ABCA4: variants seen among roughly 807,000 people sequenced by gnomAD.
The protein encoded by ABCA4 is retinal-specific phospholipid-transporting ATPase ABCA4.
Under a neutral mutation model 263.7 loss-of-function variants are expected in ABCA4, and 196 were observed. The ratio of observed to expected loss-of-function variants is 0.74; its 90% CI spans 0.66 to 0.84. The LOEUF (loss-of-function observed/expected upper bound fraction) is 0.84, where lower values mean the gene tolerates loss of function less well. ABCA4 is among the 40% of genes least tolerant of loss of function. The probability of loss-of-function intolerance (pLI) is 0.00; values close to 1 mark genes in which losing one functional copy is unlikely to be tolerated. For synonymous variants in ABCA4, 1,133 were observed against 1,094.2 expected (o/e 1.04, Z -0.70); for missense variants, 2,792 against 2,855.1 (o/e 0.98, Z 0.50).
At chr1:94,026,403 T>G (rs932761749) in intron 30 of ABCA4, among the ~76,000 whole-genome samples, 2 of 152,212 alleles carry the variant, frequency 1.3e-5, no homozygotes, top group Non-Finnish European at 2.9e-5. Flanking sequence ...ATTTTTAGCT[T>G]AATTTACAGA....
chr1:94,004,698 G>T (rs1166220794), intron 44 of ABCA4, among the ~76,000 whole-genome samples: 2 of 151,940 alleles, frequency 1.3e-5, no homozygotes, highest in Non-Finnish European at 2.9e-5. Flanking sequence ...TGAATATGTG[G>T]AACATTAACA....
rs888304473 is a variant in ABCA4, at chr1:93,999,057, AT to A, written c.6480-948del. ...TGAGCCACCACGCCCAGCCTATTTT[AT>A]TTTTTGAGACAGAGTCTTGCTGTTT... is the stretch of plus-strand genomic sequence containing the variant. On this transcript the variant is annotated intron_variant, in intron 47 of 49. Coordinates refer to ENST00000370225, the MANE Select transcript of ABCA4 (RefSeq NM_000350.3). Among the ~76,000 whole-genome samples, 13 of 147,384 alleles carry A rather than the reference AT, an allele frequency of 8.8e-5. 1 individual carries two copies. Among genetic ancestry groups the A allele is most frequent in the Non-Finnish European group, 1.8e-4 (12 of 67,142 alleles).
chr1:94,044,165 A>T (rs1360067419), intron 20 of ABCA4, among the ~76,000 whole-genome samples: 1 of 147,438 alleles, frequency 6.8e-6, no homozygotes, highest in African/African-American at 2.5e-5. Context: ...CACAATGACT[A>T]TGCGTAGCTT....
chr1:93,996,799 G>T (rs531304667), intron 48 of ABCA4, among the ~76,000 whole-genome samples: 1 of 152,220 alleles, frequency 6.6e-6, no homozygotes, highest in East Asian at 1.9e-4. Flanking sequence ...AATATTATTC[G>T]GCCTGAAAAA....
chr1:94,046,871 G>T, intron 19 of ABCA4, 48 bp downstream of exon 19: 1 of 1,601,976 alleles, frequency 6.2e-7, no homozygotes, highest in Admixed American at 1.7e-5. Context: ...ACTAAGCCAG[G>T]AAATGACAGG....
chr1:94,117,966 T>A (rs555336196), intron 1 of ABCA4, among the ~76,000 whole-genome samples: 7 of 152,326 alleles, frequency 4.6e-5, no homozygotes, highest in African/African-American at 1.7e-4. Context: ...ACTGCCCTGA[T>A]TGGATGATAA....
intron 32 of ABCA4, among the ~76,000 whole-genome samples, chr1:94,022,457 C>A (rs1044602771): frequency 6.6e-6 from 1 of 152,214 alleles, no homozygotes; most frequent in Admixed American, 6.5e-5. Flanking sequence ...GCACAGGACC[C>A]ATCTTCATCC....
intron 6 of ABCA4, among the ~76,000 whole-genome samples, chr1:94,090,446 G>A (rs913365308): frequency 6.6e-6 from 1 of 151,240 alleles, no homozygotes; most frequent in African/African-American, 2.4e-5. Flanking sequence ...TCACTTTGAG[G>A]ACTAATGGAT....
chr1:94,020,439 T>C (rs1337075733), intron 35 of ABCA4, among the ~76,000 whole-genome samples: 1 of 152,248 alleles, frequency 6.6e-6, no homozygotes, highest in Non-Finnish European at 1.5e-5. Context: ...TATGTGGTAG[T>C]CACTACCTTG....
chr1:94,056,746 A>T lies in ABCA4; in HGVS notation c.2237T>A (p.Met746Lys), dbSNP rs1660994402. 2 of 1,613,932 alleles carry T rather than the reference A, an allele frequency of 1.2e-6. No individual in the cohort carries two copies. Among genetic ancestry groups the T allele is most frequent in the Non-Finnish European group, 1.7e-6 (2 of 1,179,896 alleles). Residue 746 changes from methionine to lysine, a missense_variant, in exon 15 of 50, where the codon ATG becomes AAG. Met to Lys is a moderately conservative substitution (Grantham distance 95). Transcript: ENST00000370225. ...GAAGGTGCTGAGCAGAAAGCACAGC[A>T]TGATGGTGGCAGTGGAGAAAGCCAA... Reference protein sequence around the residue: ...FLLAFSTATIMLCFLLSTFFS... With the variant: ...FLLAFSTATIKLCFLLSTFFS...
At chr1:94,107,993 C>T (rs1427504652) in intron 4 of ABCA4, among the ~76,000 whole-genome samples, 1 of 152,174 alleles carries the variant, frequency 6.6e-6, no homozygotes, top group African/African-American at 2.4e-5. Context: ...CCAGTCCCTG[C>T]CTTCAGCCCG....
At chr1:94,108,793 T>A (rs1466097139) in intron 3 of ABCA4, 77 bp from the exon 4 acceptor site, 11 of 1,560,518 alleles carry the variant, frequency 7.0e-6, no homozygotes, top group Non-Finnish European at 7.0e-6. Flanking sequence ...GCTATTTTTT[T>A]TTTTTATCTC....
chr1:94,012,249 A>G (rs1040388933), intron 38 of ABCA4, among the ~76,000 whole-genome samples: 1 of 152,020 alleles, frequency 6.6e-6, no homozygotes, highest in Non-Finnish European at 1.5e-5. Context: ...TTCTGGAATC[A>G]CTGTGCTCTT....
rs1660188721 is a variant in ABCA4, at chr1:94,031,064, A to C, written c.4185T>G (p.Pro1395=). The C allele has an allele frequency of 6.2e-7, 1 of 1,614,138 alleles. No homozygotes were observed. The highest frequency in any genetic ancestry group is 1.3e-5 in the African/African-American group (1 of 75,034). The change falls in exon 28 of 50, where the codon CCT becomes CCG. Residue 1395 remains proline (P), a synonymous_variant. Transcript: ENST00000370225. The part of the protein sequence containing the change: ...FLALMLSIVI[P]PFGEYPALTL... The stretch of plus-strand genomic sequence containing the variant: ...TCAAAGCGGGGTATTCGCCAAAAGG[A>C]GGGATAACAATAGAAAGCATCAGAG...
intron 6 of ABCA4, among the ~76,000 whole-genome samples, chr1:94,095,475 G>A (rs1260619989): frequency 6.6e-6 from 1 of 152,186 alleles, no homozygotes; most frequent in African/African-American, 2.4e-5. Context: ...ACGTGCGTAT[G>A]AGAAACAGCC....
Position 94,031,954 on chromosome 1 carries a change from T to G in ABCA4, c.3952A>C (p.Asn1318His). The change falls in exon 27 of 50, where the codon AAT becomes CAT. Residue 1318 changes from asparagine to histidine, a missense_variant. By Grantham distance (68) the Asn-to-His change is moderately conservative. Coordinates refer to ENST00000370225, the MANE Select transcript of ABCA4 (RefSeq NM_000350.3). ...GCCGGCGCCCCTGGGGAGCAGACATTGGAGTCCTGGGGTGTCTGTCCAGCC... is the reference window on the plus strand; with the variant it reads ...GCCGGCGCCCCTGGGGAGCAGACATGGGAGTCCTGGGGTGTCTGTCCAGCC... ...EKAGQTPQDS[N>H]VCSPGAPAAH... 6.2e-7 allele frequency: 1 copy of G among 1,614,016 alleles called. No individual in the cohort carries two copies. The highest frequency in any genetic ancestry group is 8.5e-7 in the Non-Finnish European group (1 of 1,179,994).
chr1:93,996,065 A>G (rs752405547), intron 49 of ABCA4, 44 bp downstream of exon 49: 1 of 1,581,350 alleles, frequency 6.3e-7, no homozygotes, highest in Non-Finnish European at 8.7e-7. Context: ...GCTCTGAGCC[A>G]AGGAACTGCC....
At chr1:94,100,189 T>C (rs1194853924) in intron 5 of ABCA4, among the ~76,000 whole-genome samples, 1 of 152,264 alleles carries the variant, frequency 6.6e-6, no homozygotes, top group South Asian at 2.1e-4. Flanking sequence ...CAGCTGACCA[T>C]GAGTCGGTGT....
chr1:94,040,076 C>G lies in ABCA4; in HGVS notation c.3574G>C (p.Val1192Leu), dbSNP rs770363333. 5.6e-6 allele frequency: 9 copies of G among 1,609,716 alleles called. No homozygotes were observed. In the South Asian group the frequency reaches 8.9e-5, roughly 16 times the overall value. Residue 1192 changes from valine (V) to leucine (L), a missense_variant, in exon 24 of 50, where the codon GTC becomes CTC. Val to Leu is a conservative substitution (Grantham distance 32). Coordinates refer to ENST00000370225, the MANE Select transcript of ABCA4 (RefSeq NM_000350.3). ...ACTTGTTCTGGAGTTAGGTCATCGA[C>G]GTGGGCTGGACACGTGGTGGAGAAA... ...KGFSTTCPAH[V>L]DDLTPEQVLD...
Sources: allele counts gnomAD v4.1 joint callset (sites outside exome capture counted in the v4.1 genomes callset), GRCh38; gene constraint gnomAD v4.1.1; transcripts MANE v1.5; gene names NCBI Gene and HGNC (gene_info 2026-07-23, HGNC 2026-07-21).